The following ARHGEF17 variants were observed in gnomAD, a reference collection of about 807,000 sequenced individuals.
The protein encoded by ARHGEF17 is 164 kDa Rho-specific guanine-nucleotide exchange factor.
A neutral mutation model predicts 174.0 loss-of-function variants in ARHGEF17; 80 were observed. The ratio of observed to expected loss-of-function variants is 0.46; its 90% CI spans 0.38 to 0.55. ARHGEF17 has a LOEUF of 0.55. Among genes scored for constraint, ARHGEF17 ranks in the 20% least tolerant of loss-of-function variants. ARHGEF17 has a pLI of 0.00. For missense variants in ARHGEF17, 2,886 were observed against 2,839.7 expected, an observed-to-expected ratio of 1.02 and a Z score of -0.37; for synonymous variants, 1,311 against 1,189.1, an observed-to-expected ratio of 1.10 and a Z score of -2.11.
In ARHGEF17 at chr11:73,343,646, A is replaced by G. The variant is rs111534771; in HGVS notation, c.3193-3237A>G. ...AAAGTAGAGTCAGTTTTGCACCCCC[A>G]CTGCCATCCTCTCCCTGCCGCTGGG... On this transcript the variant is annotated intron_variant, in intron 1 of 20. Coordinates refer to ENST00000263674, the MANE Select transcript of ARHGEF17 (RefSeq NM_014786.4). Among the ~76,000 whole-genome samples the G allele has an allele frequency of 6.0e-3, 916 of 152,160 alleles. 12 individuals carry two copies. The highest frequency in any genetic ancestry group is 0.021 in the African/African-American group (872 of 41,496).
Position 73,343,096 on chromosome 11 carries a change from GCCCCGCCGCCA to G in ARHGEF17, c.3193-3781_3193-3771del, listed in dbSNP as rs1234962694. On this transcript the variant is annotated intron_variant, in intron 1 of 20. Transcript: ENST00000263674. Reference sequence around the variant, plus strand: ...GACTCCGCGCTGACCCCCGCCCCCCGCCCCGCCGCCACCCCGGCGCCCCCGCCCCAGCGGCT... The same window carrying G: ...GACTCCGCGCTGACCCCCGCCCCCCGCCCCGGCGCCCCCGCCCCAGCGGCT... The G allele has an allele frequency of 5.2e-4, 96 of 185,522 alleles. 1 individual carries two copies. Among genetic ancestry groups the G allele is most frequent in the Admixed American group, 4.2e-3 (66 of 15,532 alleles). The allele number at this position is 185,522 out of a possible 1,614,324, so 11.5% of individuals were successfully genotyped here.
At chr11:73,335,242 G>A (rs1441204106) in intron 1 of ARHGEF17, among the ~76,000 whole-genome samples, 1 of 152,132 alleles carries the variant, frequency 6.6e-6, no homozygotes, top group African/African-American at 2.4e-5. Flanking sequence ...CCAAGGGCAG[G>A]GCAACCTCCC....
In ARHGEF17 at chr11:73,355,850, A is replaced by T; in HGVS notation, c.3571-11A>T. Reference sequence around the variant, plus strand: ...GTCATTCCTCACATGATGCCCATCCATGGGTTTCAGCAAAGCATGCGTGAG... The same window carrying T: ...GTCATTCCTCACATGATGCCCATCCTTGGGTTTCAGCAAAGCATGCGTGAG... On this transcript the variant is annotated splice_polypyrimidine_tract_variant and intron_variant, in intron 4 of 20. Transcript: ENST00000263674. 6.2e-7 allele frequency: 1 copy of T among 1,614,146 alleles called. No homozygotes were observed. The highest frequency in any genetic ancestry group is 8.5e-7 in the Non-Finnish European group (1 of 1,179,996).
In ARHGEF17 at chr11:73,308,820, TG is replaced by T; in HGVS notation, c.184del (p.Ala62ArgfsTer127). ...CAGCCCTCTCGGCGCGTGTCCAAGC[TG>T]GCGTCTGGGCCCCTGGCCGCCCCCG... is the stretch of plus-strand genomic sequence containing the variant. ...RGQPSRRVSKLASGPLAAPAQ... is the reference protein window; with the variant it reads ...RGQPSRRVSKXASGPLAAPAQ... On this transcript the variant is annotated frameshift_variant, in exon 1 of 21. Transcript: ENST00000263674. LOFTEE classifies it high-confidence loss of function. 1 of 1,349,460 alleles carries T rather than the reference TG, an allele frequency of 7.4e-7. No homozygotes were observed. The highest frequency in any genetic ancestry group is 9.5e-7 in the Non-Finnish European group (1 of 1,057,472). 83.6% of individuals were successfully genotyped at this position (1,349,460 alleles called of 1,614,324 possible).
rs771538736 is a variant in ARHGEF17, at chr11:73,310,225, C to T, written c.1587C>T (p.Gly529=). The change falls in exon 1 of 21, where the codon GGC becomes GGT. Residue 529 remains glycine, a synonymous_variant. Transcript: ENST00000263674. ...PIPIPAPASP[G]TRPTLKDLTA... Reference sequence around the variant, plus strand: ...CCATCCCAGCCCCAGCATCACCTGGCACGCGCCCCACACTCAAGGACTTGA... The same window carrying T: ...CCATCCCAGCCCCAGCATCACCTGGTACGCGCCCCACACTCAAGGACTTGA... 1.2e-6 allele frequency: 2 copies of T among 1,613,986 alleles called. No homozygotes were observed. The highest frequency in any genetic ancestry group is 1.1e-5 in the South Asian group (1 of 91,082).
In ARHGEF17 at chr11:73,367,738, T is replaced by C. The variant is rs148223159; in HGVS notation, c.6150T>C (p.Gly2050=). 14,194 of 1,613,922 alleles carry C rather than the reference T, an allele frequency of 8.8e-3. 63 individuals are homozygous for C. Among genetic ancestry groups the C allele is most frequent in the Non-Finnish European group, 0.01 (12,008 of 1,179,934 alleles). Residue 2050 remains glycine (G), a synonymous_variant, in exon 21 of 21, where the codon GGT becomes GGC. Coordinates refer to ENST00000263674, the MANE Select transcript of ARHGEF17 (RefSeq NM_014786.4). ...SGGGSSSETV[G]RDDSTNHLLL... Reference sequence around the variant, plus strand: ...GCGGCAGCAGCAGTGAGACTGTGGGTCGAGACGACAGCACAAACCACCTCC... The same window carrying C: ...GCGGCAGCAGCAGTGAGACTGTGGGCCGAGACGACAGCACAAACCACCTCC...
At chr11:73,360,221 C>G in intron 10 of ARHGEF17, 99 bp from the exon 11 acceptor site, 1 of 1,336,294 alleles carries the variant, frequency 7.5e-7, no homozygotes, top group Non-Finnish European at 1.0e-6. Flanking sequence ...GACAGTCTCA[C>G]TTGCTGTCTA....
In ARHGEF17 at chr11:73,310,128, G is replaced by T. The variant is rs148686447; in HGVS notation, c.1490G>T (p.Arg497Leu). Residue 497 changes from arginine to leucine, a missense_variant, in exon 1 of 21, where the codon CGT (arginine) becomes CTT (leucine). Physicochemically the swap from Arg to Leu is moderately radical, Grantham distance 102 (BLOSUM62 -2). Transcript: ENST00000263674. Reference sequence around the variant, plus strand: ...AAACCTGGTGGGAGCTCCGGGGACCGTGGAAGCAACCCCCTAGATGGCAGA... The same window carrying T: ...AAACCTGGTGGGAGCTCCGGGGACCTTGGAAGCAACCCCCTAGATGGCAGA... The part of the protein sequence containing the change: ...VRKPGGSSGD[R>L]GSNPLDGRDS... The T allele has an allele frequency of 6.2e-7, 1 of 1,614,044 alleles. No individual in the cohort carries two copies. The highest frequency in any genetic ancestry group is 1.7e-5 in the Admixed American group (1 of 60,028).
Position 73,356,275 on chromosome 11 carries a change from T to C in ARHGEF17, c.3764T>C (p.Val1255Ala). Reference sequence around the variant, plus strand: ...GTGGCTGAGCGCATCAACAAGGGTGTGCGGAGTGCCGAGGAGGCGGAGCGC... The same window carrying C: ...GTGGCTGAGCGCATCAACAAGGGTGCGCGGAGTGCCGAGGAGGCGGAGCGC... Reference protein sequence around the residue: ...KQVAERINKGVRSAEEAERHA... With the variant: ...KQVAERINKGARSAEEAERHA... The change falls in exon 6 of 21, where the codon GTG (valine) becomes GCG (alanine). Residue 1255 changes from valine (V) to alanine (A), a missense_variant. Physicochemically the swap from Val to Ala is moderately conservative, Grantham distance 64. Coordinates refer to ENST00000263674, the MANE Select transcript of ARHGEF17 (RefSeq NM_014786.4). The C allele has an allele frequency of 6.2e-7, 1 of 1,613,770 alleles. No individual in the cohort carries two copies.
Position 73,309,353 on chromosome 11 carries a change from T to C in ARHGEF17, c.715T>C (p.Ser239Pro). ...CTGCTCCTCCTCCTCCATCGCCGCC[T>C]CCTATCCTGTCAGCCGCAGTCGTGC... ...ASCSSSSIAA[S>P]YPVSRSRAAS... is the part of the protein sequence containing the mutation. The change falls in exon 1 of 21, where the codon TCC (serine) becomes CCC (proline). Residue 239 changes from serine (S) to proline (P), a missense_variant. Around this residue, in one of 4 missense-constraint regions of ARHGEF17, gnomAD observed 1,728 missense variants for 1,461.2 expected, o/e 1.18. Transcript: ENST00000263674. 6.2e-7 allele frequency: 1 copy of C among 1,604,988 alleles called. No individual in the cohort carries two copies. The highest frequency in any genetic ancestry group is 8.5e-7 in the Non-Finnish European group (1 of 1,176,798).
chr11:73,334,455 C>T (rs76887714), intron 1 of ARHGEF17, among the ~76,000 whole-genome samples: 24,793 of 151,942 alleles, frequency 0.16, 2,870 homozygotes, highest in African/African-American at 0.33. Flanking sequence ...AGGTCACACA[C>T]GTAGGCTGCT....
chr11:73,327,299 TCA>T (rs1442154092), intron 1 of ARHGEF17, among the ~76,000 whole-genome samples: 2 of 152,174 alleles, frequency 1.3e-5, no homozygotes, highest in African/African-American at 4.8e-5. Flanking sequence ...CCCAGCTCAG[TCA>T]CACTGACAGT....
rs57860998 is a variant in ARHGEF17, at chr11:73,350,401, G to A, written c.3271-2429G>A. 3.3e-3 allele frequency among the ~76,000 whole-genome samples: 495 copies of A among 152,258 alleles called. 2 individuals carry two copies. Among genetic ancestry groups the A allele is most frequent in the East Asian group, 0.031 (159 of 5,168 alleles). On this transcript the variant is annotated intron_variant, in intron 2 of 20. Transcript: ENST00000263674. ...CAGAGAAGTAAAGCTGCTTGTCCAA[G>A]GTCACAGAGTTAGGAAGTGCCACAC...
intron 1 of ARHGEF17, among the ~76,000 whole-genome samples, chr11:73,332,717 C>T (rs766471765): frequency 3.3e-5 from 5 of 151,892 alleles, no homozygotes; most frequent in Non-Finnish European, 5.9e-5. Flanking sequence ...TCCTGGGGGG[C>T]GGGAATCCTG....
chr11:73,321,468 C>G (rs1865016520), intron 1 of ARHGEF17, among the ~76,000 whole-genome samples: 1 of 152,202 alleles, frequency 6.6e-6, no homozygotes, highest in Non-Finnish European at 1.5e-5. Flanking sequence ...GGGTTAAAAT[C>G]ACAACTGACT....
At chr11:73,345,112 A>G (rs1458587020) in intron 1 of ARHGEF17, among the ~76,000 whole-genome samples, 1 of 152,168 alleles carries the variant, frequency 6.6e-6, no homozygotes, top group Non-Finnish European at 1.5e-5. Flanking sequence ...CTGGCCCTCC[A>G]CGCTCTCCCA....
intron 16 of ARHGEF17, 93 bp from the exon 17 acceptor site, chr11:73,364,079 A>T (rs1865796026): frequency 3.7e-6 from 5 of 1,342,810 alleles, no homozygotes; most frequent in Admixed American, 3.6e-5. Flanking sequence ...GCCTCTCGGG[A>T]GCCATACCCA....
chr11:73,343,094 C>A, intron 1 of ARHGEF17: 1 of 317,750 alleles, frequency 3.1e-6, no homozygotes, highest in South Asian at 1.4e-4. Flanking sequence ...CCCCCGCCCC[C>A]CGCCCCGCCG....
rs539929450 is a variant in ARHGEF17, at chr11:73,350,468, G to C, written c.3271-2362G>C. On this transcript the variant is annotated intron_variant, in intron 2 of 20. Coordinates refer to ENST00000263674, the MANE Select transcript of ARHGEF17 (RefSeq NM_014786.4). ...GTCATTGTGACTCTGGGTTCTCCCT[G>C]TCACCCACTAGTCTACACTGCCTAG... 3.9e-5 allele frequency among the ~76,000 whole-genome samples: 6 copies of C among 152,250 alleles called. No homozygotes were observed. In the East Asian group the frequency reaches 9.7e-4, roughly 25 times the overall value.
Sources: allele counts gnomAD v4.1 joint callset (sites outside exome capture counted in the v4.1 genomes callset), GRCh38; gene constraint gnomAD v4.1.1; regional missense constraint gnomAD v4.1.1; transcripts MANE v1.5; gene names NCBI Gene and HGNC (gene_info 2026-07-23, HGNC 2026-07-21).